PRKCZ: variants seen among roughly 807,000 people sequenced by gnomAD.
PRKCZ encodes protein kinase C zeta.
A neutral mutation model predicts 79.5 loss-of-function variants in PRKCZ; 33 were observed. That is an observed-to-expected ratio of 0.41 (90% confidence interval 0.31 to 0.55). The LOEUF (loss-of-function observed/expected upper bound fraction) is 0.55. PRKCZ is among the 20% of genes least tolerant of loss of function. The pLI is 0.19. For missense variants in PRKCZ, 578 were observed against 813.5 expected (o/e 0.71, Z 3.52); for synonymous variants, 342 against 320.9 (o/e 1.07, Z -0.70).
chr1:2,072,934 G>C (rs1029306351), intron 4 of PRKCZ, among the ~76,000 whole-genome samples: 24 of 152,212 alleles, frequency 1.6e-4, no homozygotes, highest in African/African-American at 5.8e-4. Context: ...AGAATTCCCA[G>C]CTGAGCACCC....
rs939061956 is a variant in PRKCZ, at chr1:2,177,305, T to C, written c.1575+1992T>C. Among the ~76,000 whole-genome samples the C allele has an allele frequency of 1.3e-5, 2 of 152,044 alleles. No homozygotes were observed. The highest frequency in any genetic ancestry group is 2.9e-5 in the Non-Finnish European group (2 of 68,006). ...AGTAGAATTACGTGAGGAGCCAGCATCCCCGCTCCCAGCCACCTCCCCTCG... is the reference window on the plus strand; with the variant it reads ...AGTAGAATTACGTGAGGAGCCAGCACCCCCGCTCCCAGCCACCTCCCCTCG... On this transcript the variant is annotated intron_variant, in intron 16 of 17. Transcript: ENST00000378567. The surrounding 1 kb of genome is among the most constrained non-coding windows in gnomAD (Gnocchi z 6.4).
intron 4 of PRKCZ, among the ~76,000 whole-genome samples, chr1:2,062,913 A>G (rs1660819136): frequency 6.6e-6 from 1 of 152,064 alleles, no homozygotes; most frequent in African/African-American, 2.4e-5. Context: ...CTCTGTCTCC[A>G]TGAAACACTC....
chr1:2,087,079 C>CATTCTTTT (rs1346981077), intron 4 of PRKCZ, among the ~76,000 whole-genome samples: 1 of 151,978 alleles, frequency 6.6e-6, no homozygotes, highest in Non-Finnish European at 1.5e-5. Flanking sequence ...TGTATTTCCC[C>CATTCTTTT]ATTCTTTTAT....
intron 4 of PRKCZ, among the ~76,000 whole-genome samples, chr1:2,122,034 T>G (rs771971343): frequency 3.4e-4 from 1 of 2,980 alleles, no homozygotes; most frequent in Non-Finnish European, 4.7e-4. Flanking sequence ...GGTAGTTAGG[T>G]TCATGGTGGT....
At position 2,098,245 on chromosome 1, in the gene PRKCZ, A is replaced by G. The variant is rs547007865; in HGVS notation, c.335-37017A>G. 3.9e-5 allele frequency: 6 copies of G among 152,352 alleles called. No individual in the cohort carries two copies. The East Asian group carries it at 1.2e-3, about 29-fold the overall frequency. The allele number at this position is 152,352 out of a possible 1,614,324, so 9.4% of individuals were successfully genotyped here. A position where few individuals can be genotyped will look rare whatever the true frequency, so the allele number is the denominator to read the frequency against. ...ATGAAGAACAAAGAATGGGGATGTAACCATACGGATACATTGCTTCTTTGG... is the reference window on the plus strand; with the variant it reads ...ATGAAGAACAAAGAATGGGGATGTAGCCATACGGATACATTGCTTCTTTGG... On this transcript the variant is annotated intron_variant, in intron 4 of 17. Coordinates refer to ENST00000378567, the MANE Select transcript of PRKCZ (RefSeq NM_002744.6).
Position 2,150,969 on chromosome 1 carries a change from T to C in PRKCZ, c.867T>C (p.His289=). The change falls in exon 9 of 18, where the codon CAT becomes CAC. Residue 289 remains histidine, a synonymous_variant. Transcript: ENST00000378567. ...AMKVVKKELV[H]DDEDIDWVQT... is the part of the protein sequence containing the mutation. The stretch of plus-strand genomic sequence containing the variant: ...AAGTGGTGAAGAAAGAGCTGGTGCA[T>C]GATGACGAGGTAGGTGCCGCTTCTC... The C allele has an allele frequency of 6.2e-7, 1 of 1,613,636 alleles. No individual in the cohort carries two copies. The highest frequency in any genetic ancestry group is 2.2e-5 in the East Asian group (1 of 44,886).
intron 4 of PRKCZ, among the ~76,000 whole-genome samples, chr1:2,089,191 C>G (rs1451727638): frequency 6.6e-6 from 1 of 151,342 alleles, no homozygotes; most frequent in Non-Finnish European, 1.5e-5. Context: ...TCCCTGTTCG[C>G]GAGGTCCCTG....
chr1:2,133,668 CG>C (rs1675521089), intron 4 of PRKCZ: 1 of 152,982 alleles, frequency 6.5e-6, no homozygotes, highest in Non-Finnish European at 1.5e-5. Flanking sequence ...CCCGGCTGCG[CG>C]TCTGTCCCTC....
At chr1:2,171,140 C>CTAACACGGTGAAA (rs1553174562) in intron 11 of PRKCZ, among the ~76,000 whole-genome samples, 4 of 152,078 alleles carry the variant, frequency 2.6e-5, no homozygotes, top group Non-Finnish European at 5.9e-5. Context: ...ACCATCCTGG[C>CTAACACGGTGAAA]TAACACGGTG....
intron 4 of PRKCZ, chr1:2,073,986 G>A (rs1050657432): frequency 1.1e-5 from 16 of 1,405,756 alleles, no homozygotes; most frequent in Middle Eastern, 2.6e-4. Flanking sequence ...CGGGCCAGCC[G>A]TGCTGCAGGC....
chr1:2,061,352 C>A (rs1206715585), intron 4 of PRKCZ, among the ~76,000 whole-genome samples: 1 of 151,338 alleles, frequency 6.6e-6, no homozygotes, highest in African/African-American at 2.4e-5. Flanking sequence ...AACCTGCCGG[C>A]CTTGCGTAGG....
intron 4 of PRKCZ, among the ~76,000 whole-genome samples, chr1:2,091,676 C>T (rs757802882): frequency 2.6e-5 from 4 of 152,136 alleles, no homozygotes; most frequent in African/African-American, 7.2e-5. Flanking sequence ...CTGCACAGGT[C>T]CTTTGCCCGT....
intron 9 of PRKCZ, among the ~76,000 whole-genome samples, chr1:2,152,522 A>G (rs1177638606): frequency 1.3e-5 from 2 of 152,118 alleles, no homozygotes; most frequent in African/African-American, 4.8e-5. Flanking sequence ...ACCAAATGAG[A>G]CTCTGTCTTT....
At chr1:2,064,686 T>G (rs548676990) in intron 4 of PRKCZ, among the ~76,000 whole-genome samples, 5 of 152,344 alleles carry the variant, frequency 3.3e-5, no homozygotes, top group African/African-American at 1.2e-4. Flanking sequence ...AGGGTTCATT[T>G]GTGGAGTCTC....
Position 2,155,993 on chromosome 1 carries a change from A to G in PRKCZ, c.877-2A>G. ...ATTACCACTCCCTGGTTTCTATTTCAGGATATTGACTGGGTACAGACAGAG... is the reference window on the plus strand; with the variant it reads ...ATTACCACTCCCTGGTTTCTATTTCGGGATATTGACTGGGTACAGACAGAG... On this transcript the variant is annotated splice_acceptor_variant, in intron 9 of 17. Coordinates refer to ENST00000378567, the MANE Select transcript of PRKCZ (RefSeq NM_002744.6). LOFTEE classifies it high-confidence loss of function. The G allele has an allele frequency of 6.2e-7, 1 of 1,613,314 alleles. No individual in the cohort carries two copies. Among genetic ancestry groups the G allele is most frequent in the Non-Finnish European group, 8.5e-7 (1 of 1,179,368 alleles).
rs1237824704 is a variant in PRKCZ at position 2,178,295 on chromosome 1, G to A, written c.1575+2982G>A. On this transcript the variant is annotated intron_variant, in intron 16 of 17. Transcript: ENST00000378567. The surrounding 1 kb of genome is among the most constrained non-coding windows in gnomAD (Gnocchi z 4.3). ...ATGGAAGTGGACCTGGGCACACCGCGGCCTTTCGTGCCTGCCCTCCCCTCA... is the reference window on the plus strand; with the variant it reads ...ATGGAAGTGGACCTGGGCACACCGCAGCCTTTCGTGCCTGCCCTCCCCTCA... 2.0e-5 allele frequency among the ~76,000 whole-genome samples: 3 copies of A among 152,184 alleles called. No homozygotes were observed. The highest frequency in any genetic ancestry group is 4.4e-5 in the Non-Finnish European group (3 of 68,024).
intron 4 of PRKCZ, among the ~76,000 whole-genome samples, chr1:2,106,814 C>T (rs1668618781): frequency 8.0e-6 from 1 of 124,342 alleles, no homozygotes; most frequent in South Asian, 2.8e-4. Context: ...CAGCAGGCCC[C>T]TCTGGTGGGC....
At chr1:2,116,108 G>A (rs3107145) in intron 4 of PRKCZ, 102,919 of 152,202 alleles carry the variant, frequency 0.68, 35,650 homozygotes, top group African/African-American at 0.84. Context: ...CACTCTTACC[G>A]CACTCCAGGA....
Position 2,094,278 on chromosome 1 carries a change from C to T in PRKCZ, c.334+34687C>T, listed in dbSNP as rs1194433803. On this transcript the variant is annotated intron_variant, in intron 4 of 17. Transcript: ENST00000378567. The surrounding 1 kb of genome is among the most constrained non-coding windows in gnomAD (Gnocchi z 7.3). ...TGACCCGAGGGTACCCTCGGCCTCC[C>T]GGCCTGAACTCTTCTCCTACCATGA... Among the ~76,000 whole-genome samples the T allele has an allele frequency of 6.6e-6, 1 of 152,180 alleles. No homozygotes were observed. The highest frequency in any genetic ancestry group is 2.1e-4 in the South Asian group (1 of 4,836).
Sources: gnomAD v4.1 joint callset for allele counts (sites outside exome capture counted in the v4.1 genomes callset) on GRCh38, gnomAD v4.1.1 for gene constraint, Gnocchi (gnomAD v3.1) non-coding constraint, MANE v1.5 for transcripts, NCBI Gene and HGNC (gene_info 2026-07-23, HGNC 2026-07-21) for gene names.